The following KAZN variants were observed in gnomAD, a reference collection of about 807,000 sequenced individuals.
KAZN encodes the protein kazrin.
A neutral mutation model predicts 87.4 loss-of-function variants in KAZN; 40 were observed. The observed-to-expected ratio is 0.46, with a 90% CI of 0.36 to 0.60. The LOEUF (loss-of-function observed/expected upper bound fraction) is 0.60. KAZN is among the 20% of genes least tolerant of loss of function. The pLI, the probability that KAZN is intolerant of heterozygous loss-of-function variation, is 0.00. For missense variants in KAZN, 898 were observed against 1,073.9 expected (o/e 0.84, Z 2.29); for synonymous variants, 466 against 458.3 (o/e 1.02, Z -0.22).
chr1:14,784,862 T>A (rs1355193002), intron 1 of KAZN, among the ~76,000 whole-genome samples: 2 of 151,834 alleles, frequency 1.3e-5, no homozygotes, highest in Non-Finnish European at 2.9e-5. Context: ...TGGGCTGGAG[T>A]GATATCACCA....
At chr1:14,002,589 T>C (rs1045335273) in intron 1 of KAZN, among the ~76,000 whole-genome samples, 1 of 152,176 alleles carries the variant, frequency 6.6e-6, no homozygotes. Context: ...TGCGTCTTTA[T>C]CAGCCGTGTG....
At chr1:14,024,615 C>A (rs1640988762) in intron 1 of KAZN, among the ~76,000 whole-genome samples, 1 of 152,206 alleles carries the variant, frequency 6.6e-6, no homozygotes, top group Non-Finnish European at 1.5e-5. Context: ...GGGTGCACAG[C>A]ACTTGAAGGT....
intron 1 of KAZN, among the ~76,000 whole-genome samples, chr1:14,855,689 T>G (rs1650017040): frequency 6.6e-6 from 1 of 152,208 alleles, no homozygotes; most frequent in Admixed American, 6.5e-5. Context: ...ATTGAACTGC[T>G]CCTATGTGCT....
chr1:13,937,621 T>C (rs916883352), intron 1 of KAZN, among the ~76,000 whole-genome samples: 5 of 152,194 alleles, frequency 3.3e-5, no homozygotes, highest in African/African-American at 1.2e-4. Flanking sequence ...CCAGAAGAGA[T>C]TTTCCTAGGT....
chr1:15,017,404 G>A (rs769991189), intron 2 of KAZN, among the ~76,000 whole-genome samples: 13 of 152,224 alleles, frequency 8.5e-5, no homozygotes, highest in Non-Finnish European at 1.9e-4. Flanking sequence ...TAATAAGGCC[G>A]TGGCTAAGTC....
At chr1:14,371,758 C>T (rs914160445) in intron 2 of KAZN, among the ~76,000 whole-genome samples, 23 of 152,240 alleles carry the variant, frequency 1.5e-4, no homozygotes, top group South Asian at 6.2e-4. Flanking sequence ...TCTAGAGACA[C>T]GGATCTTGCC....
At chr1:14,370,495 G>C (rs1476907206) in intron 2 of KAZN, among the ~76,000 whole-genome samples, 1 of 152,186 alleles carries the variant, frequency 6.6e-6, no homozygotes, top group African/African-American at 2.4e-5. Flanking sequence ...GTTTGGGGAG[G>C]GGACAGCTAT....
chr1:13,952,360 TAATAATAATAATAATA>T (rs1298076829), intron 1 of KAZN, among the ~76,000 whole-genome samples: 2 of 147,830 alleles, frequency 1.4e-5, no homozygotes, highest in Non-Finnish European at 3.0e-5. Context: ...ATAATAATAA[TAATAATAATAATAATA>T]ATATCAATAT....
intron 2 of KAZN, among the ~76,000 whole-genome samples, chr1:14,528,824 G>A (rs78157831): frequency 1.3e-5 from 2 of 148,944 alleles, no homozygotes; most frequent in Non-Finnish European, 1.5e-5. Context: ...CTGCACATCC[G>A]CAATTTCTTC....
In KAZN at chr1:14,772,510, C is replaced by T. The variant is rs371059727; in HGVS notation, c.226+173287C>T. Among the ~76,000 whole-genome samples, 8 of 125,210 alleles carry T rather than the reference C, an allele frequency of 6.4e-5. No individual in the cohort carries two copies. The East Asian group carries it at 1.2e-3, about 19-fold the overall frequency. 82.1% of individuals were successfully genotyped at this position (125,210 alleles called of 152,430 possible). ...CCACCCCTGCCCCAATCACCTAATA[C>T]GTTTAATAGATTGAGAAAAAAAAAA... On this transcript the variant is annotated intron_variant, in intron 1 of 14. Coordinates refer to ENST00000376030, the MANE Select transcript of KAZN (RefSeq NM_201628.3).
chr1:14,069,662 ATCT>A (rs1170433964), intron 1 of KAZN, among the ~76,000 whole-genome samples: 2 of 152,194 alleles, frequency 1.3e-5, no homozygotes, highest in Admixed American at 6.5e-5. Flanking sequence ...TAGCGTACTC[ATCT>A]TCTTTTAATC....
intron 1 of KAZN, among the ~76,000 whole-genome samples, chr1:14,890,425 T>C (rs1006450423): frequency 5.3e-5 from 8 of 152,058 alleles, no homozygotes; most frequent in Admixed American, 1.3e-4. Flanking sequence ...GCAAAAAGTA[T>C]AGGACAAAGA....
chr1:14,467,343 C>A (rs1287061525), intron 2 of KAZN, among the ~76,000 whole-genome samples: 27 of 130,536 alleles, frequency 2.1e-4, no homozygotes, highest in African/African-American at 7.6e-4. Context: ...AAAAAAAAAA[C>A]AACAAGGAAA....
Position 14,599,122 on chromosome 1 carries a change from G to A in KAZN, c.125G>A (p.Gly42Asp). The change falls in exon 1 of 15, where the codon GGC becomes GAC. Residue 42 changes from glycine (G) to aspartate (D), a missense_variant. This residue lies in a region of KAZN where 250 missense variants were observed against 263.0 expected (regional missense o/e 0.95). Coordinates refer to ENST00000376030, the MANE Select transcript of KAZN (RefSeq NM_201628.3). The surrounding 1 kb of genome is among the most constrained non-coding windows in gnomAD (Gnocchi z 4.4). ...ATNRRLAELSGGGGPGPGPGA... is the reference protein window; with the variant it reads ...ATNRRLAELSDGGGPGPGPGA... ...AACCGGAGACTGGCGGAACTGAGCG[G>A]CGGCGGCGGCCCCGGCCCGGGCCCG... 6.5e-7 allele frequency: 1 copy of A among 1,528,292 alleles called. No individual in the cohort carries two copies. 94.7% of individuals were successfully genotyped at this position (1,528,292 alleles called of 1,614,324 possible).
intron 2 of KAZN, among the ~76,000 whole-genome samples, chr1:14,202,073 A>G (rs2100410576): frequency 6.6e-6 from 1 of 152,314 alleles, no homozygotes; most frequent in Middle Eastern, 3.4e-3. Flanking sequence ...CTCTTAACCC[A>G]ATGAGGTAAG....
intron 1 of KAZN, among the ~76,000 whole-genome samples, chr1:14,002,963 A>T (rs1391501819): frequency 6.6e-6 from 1 of 152,356 alleles, no homozygotes; most frequent in East Asian, 1.9e-4. Context: ...CCATGTGCCC[A>T]TCAATGATAG....
At chr1:14,244,577 A>G (rs1057239626) in intron 2 of KAZN, among the ~76,000 whole-genome samples, 2 of 152,182 alleles carry the variant, frequency 1.3e-5, no homozygotes, top group East Asian at 3.9e-4. Flanking sequence ...TACGGACTAC[A>G]TAGAGGGTGA....
At position 14,801,668 on chromosome 1, in the gene KAZN, T is replaced by TG. The variant is rs542517401; in HGVS notation, c.227-159016_227-159015insG. On this transcript the variant is annotated intron_variant, in intron 1 of 14. Transcript: ENST00000376030. ...TGGGCTGCAAGGTCTCTCCTAAAGT[T>TG]TTTTTTGTTTTTTTTGTTTTTTTGT... Among the ~76,000 whole-genome samples the TG allele has an allele frequency of 2.0e-5, 3 of 147,768 alleles. No individual in the cohort carries two copies. In the East Asian group the frequency reaches 5.9e-4, roughly 29 times the overall value.
At chr1:14,501,098 A>G (rs1183053203) in intron 2 of KAZN, among the ~76,000 whole-genome samples, 2 of 145,968 alleles carry the variant, frequency 1.4e-5, no homozygotes, top group Non-Finnish European at 3.0e-5. Context: ...TAAATAAATA[A>G]ATAAATAAAT....
Sources: gnomAD v4.1 joint callset for allele counts (sites outside exome capture counted in the v4.1 genomes callset) on GRCh38, gnomAD v4.1.1 for gene constraint, gnomAD v4.1.1 regional missense constraint, Gnocchi (gnomAD v3.1) non-coding constraint, MANE v1.5 for transcripts, NCBI Gene and HGNC (gene_info 2026-07-23, HGNC 2026-07-21) for gene names.